Variants in RSU1 observed in about 807,000 individuals in gnomAD.
The protein encoded by RSU1 is rsu-1.
A neutral mutation model predicts 31.1 loss-of-function variants in RSU1; 26 were observed. The observed-to-expected ratio is 0.84, with a 90% confidence interval of 0.61 to 1.16. The LOEUF is 1.16. Ranked by LOEUF, RSU1 falls within the 50% of genes most tolerant of loss-of-function variation. The probability of loss-of-function intolerance (pLI) is 0.00; values close to 1 mark genes in which losing one functional copy is unlikely to be tolerated. For missense variants in RSU1, 320 were observed against 339.1 expected, an observed-to-expected ratio of 0.94 and a Z score of 0.44; for synonymous variants, 164 against 136.3, an observed-to-expected ratio of 1.20 and a Z score of -1.41.
intron 8 of RSU1, among the ~76,000 whole-genome samples, chr10:16,682,031 G>C (rs528138437): frequency 4.6e-4 from 70 of 152,164 alleles, no homozygotes; most frequent in Non-Finnish European, 9.3e-4. Flanking sequence ...GAGAAAGCAA[G>C]CCAGCTTTAA....
At chr10:16,659,033 G>C (rs1255870668) in intron 8 of RSU1, among the ~76,000 whole-genome samples, 1 of 152,152 alleles carries the variant, frequency 6.6e-6, no homozygotes, top group Non-Finnish European at 1.5e-5. Context: ...ATATTAGCAA[G>C]TCATGTTTTC....
chr10:16,608,298 A>G (rs1052931372), intron 8 of RSU1, among the ~76,000 whole-genome samples: 1 of 152,346 alleles, frequency 6.6e-6, no homozygotes, highest in Admixed American at 6.5e-5. Flanking sequence ...CTTTGAGCCT[A>G]GGAGTTCAAG....
At chr10:16,600,735 A>G (rs1833703642) in intron 8 of RSU1, among the ~76,000 whole-genome samples, 1 of 151,826 alleles carries the variant, frequency 6.6e-6, no homozygotes, top group African/African-American at 2.4e-5. Flanking sequence ...CTTATTTTAA[A>G]ATCTTATTGT....
intron 3 of RSU1, among the ~76,000 whole-genome samples, chr10:16,765,167 T>G (rs887947934): frequency 1.3e-5 from 2 of 152,184 alleles, no homozygotes; most frequent in African/African-American, 4.8e-5. Flanking sequence ...GATCTCCAAA[T>G]CCCTTCCGGG....
intron 7 of RSU1, among the ~76,000 whole-genome samples, chr10:16,697,160 A>G (rs535547638): frequency 6.6e-6 from 1 of 152,218 alleles, no homozygotes; most frequent in East Asian, 1.9e-4. Flanking sequence ...GGGGTTACAA[A>G]CTGGACAACA....
At chr10:16,773,885 T>TAA (rs79696099) in intron 3 of RSU1, among the ~76,000 whole-genome samples, 15 of 151,834 alleles carry the variant, frequency 9.9e-5, no homozygotes, top group Middle Eastern at 3.4e-3. Context: ...TCAGTTTTTT[T>TAA]AAAAAAATCA....
intron 8 of RSU1, among the ~76,000 whole-genome samples, chr10:16,612,644 A>G (rs1431400692): frequency 6.6e-6 from 1 of 152,204 alleles, no homozygotes; most frequent in Admixed American, 6.5e-5. Context: ...TGTAATGAAC[A>G]CTGATCATAA....
chr10:16,653,724 G>C (rs375048978), intron 8 of RSU1, among the ~76,000 whole-genome samples: 5 of 152,044 alleles, frequency 3.3e-5, no homozygotes, highest in African/African-American at 9.7e-5. Flanking sequence ...AGCTGTACTA[G>C]ATTTCATAAG....
chr10:16,706,678 A>G (rs753488884), intron 7 of RSU1, among the ~76,000 whole-genome samples: 11 of 152,202 alleles, frequency 7.2e-5, no homozygotes, highest in African/African-American at 9.6e-5. Flanking sequence ...TAATTATCCA[A>G]TCTGGGTGGC....
chr10:16,755,563 G>T (rs966157343), intron 4 of RSU1, among the ~76,000 whole-genome samples: 2 of 151,762 alleles, frequency 1.3e-5, no homozygotes, highest in African/African-American at 4.9e-5. Flanking sequence ...TTTAACACAC[G>T]CGCTGCCTCA....
intron 7 of RSU1, among the ~76,000 whole-genome samples, chr10:16,740,001 T>C (rs906403423): frequency 1.6e-4 from 24 of 152,248 alleles, no homozygotes; most frequent in African/African-American, 3.4e-4. Context: ...ACTCAATTCA[T>C]AATTCAAAAC....
chr10:16,625,177 A>G (rs1206916421), intron 8 of RSU1, among the ~76,000 whole-genome samples: 1 of 152,144 alleles, frequency 6.6e-6, no homozygotes, highest in Non-Finnish European at 1.5e-5. Context: ...CAAGCTTTTC[A>G]TGTAAGCTGA....
chr10:16,739,265 T>C (rs1221198416), intron 7 of RSU1, among the ~76,000 whole-genome samples: 1 of 152,160 alleles, frequency 6.6e-6, no homozygotes, highest in Non-Finnish European at 1.5e-5. Context: ...TTTCTGGTTC[T>C]AGATCCTTGA....
chr10:16,749,703 G>C lies in RSU1; in HGVS notation c.598+2836C>G, dbSNP rs566121758. Among the ~76,000 whole-genome samples, 31 of 152,310 alleles carry C rather than the reference G, an allele frequency of 2.0e-4. No individual in the cohort carries two copies. The East Asian group carries it at 3.9e-3, about 19-fold the overall frequency. ...GGGGACAACGCAACTGGCTTGGAAA[G>C]GGCCAGCAATTTGTCTTGCAGAGGC... On this transcript the variant is annotated intron_variant, in intron 7 of 8. Transcript: ENST00000345264.
chr10:16,643,732 C>A (rs1834485856), intron 8 of RSU1, among the ~76,000 whole-genome samples: 1 of 152,052 alleles, frequency 6.6e-6, no homozygotes, highest in Non-Finnish European at 1.5e-5. Flanking sequence ...TCCAAATGCG[C>A]ATACTAAGAG....
intron 7 of RSU1, among the ~76,000 whole-genome samples, chr10:16,751,875 G>A (rs1836987063): frequency 6.6e-6 from 1 of 152,186 alleles, no homozygotes. Flanking sequence ...GTGGAACGAA[G>A]CAGTAACAGA....
At chr10:16,663,131 T>G (rs1417236002) in intron 8 of RSU1, among the ~76,000 whole-genome samples, 2 of 152,134 alleles carry the variant, frequency 1.3e-5, no homozygotes, top group Non-Finnish European at 2.9e-5. Flanking sequence ...CCTTTAAATA[T>G]CTTCCAACCA....
intron 7 of RSU1, among the ~76,000 whole-genome samples, chr10:16,716,342 ATCTT>A (rs1170719122): frequency 6.6e-6 from 1 of 152,128 alleles, no homozygotes; most frequent in Non-Finnish European, 1.5e-5. Context: ...ATTTTAATCT[ATCTT>A]TATTTTTAAG....
intron 8 of RSU1, among the ~76,000 whole-genome samples, chr10:16,682,209 C>G (rs1251177409): frequency 3.2e-4 from 48 of 152,096 alleles, no homozygotes; most frequent in Admixed American, 3.1e-3. Flanking sequence ...AGGGCAAAAC[C>G]CTCAGAGGCG....
Sources: allele counts gnomAD v4.1 joint callset (sites outside exome capture counted in the v4.1 genomes callset), GRCh38; gene constraint gnomAD v4.1.1; transcripts MANE v1.5; gene names NCBI Gene and HGNC (gene_info 2026-07-23, HGNC 2026-07-21).